STAT6: variants seen among roughly 807,000 people sequenced by gnomAD.
STAT6 encodes STAT, interleukin4-induced.
In STAT6, 45 loss-of-function variants were observed where a neutral mutation model predicts 106.3. The observed-to-expected ratio is 0.42, with a 90% CI of 0.33 to 0.54. The LOEUF is 0.54. STAT6 is among the 20% of genes least tolerant of loss of function. The pLI, the probability that STAT6 is intolerant of heterozygous loss-of-function variation, is 0.06. For missense variants in STAT6, 797 were observed against 1,062.2 expected, an observed-to-expected ratio of 0.75 and a Z score of 3.47; for synonymous variants, 413 against 413.6, an observed-to-expected ratio of 1.00 and a Z score of 0.02.
Position 57,105,151 on chromosome 12 carries a change from G to C in STAT6, c.1001C>G (p.Ala334Gly), listed in dbSNP as rs144009942. 69 of 1,607,650 alleles carry C rather than the reference G, an allele frequency of 4.3e-5. No individual in the cohort carries two copies. The highest frequency in any genetic ancestry group is 5.3e-5 in the Non-Finnish European group (62 of 1,176,368). Reference sequence around the variant, plus strand: ...AACCCCAGGTCCAATCCCAGCTTACGCTCCAGCCCCAGGACCCTGAGGCAC... The same window carrying C: ...AACCCCAGGTCCAATCCCAGCTTACCCTCCAGCCCCAGGACCCTGAGGCAC... The part of the protein sequence containing the change: ...LSVPQGPGAG[A>G]ESTGEIINNT... The change falls in exon 9 of 22, where the codon GCA (alanine) becomes GGA (glycine). Residue 334 changes from alanine (A) to glycine (G), a missense_variant and splice_region_variant. Ala to Gly is a moderately conservative substitution (Grantham distance 60, BLOSUM62 0). Transcript: ENST00000300134.
In STAT6 at chr12:57,096,543, G is replaced by C; in HGVS notation, c.*29C>G. On this transcript the variant is annotated 3_prime_UTR_variant, in exon 22 of 22. Coordinates refer to ENST00000300134, the MANE Select transcript of STAT6 (RefSeq NM_003153.5). Reference sequence around the variant, plus strand: ...GGTCTGTGGGGGTAGTAGAAGAGCTGTCTCTTTGGGTTCTCCCTCCAGCTG... The same window carrying C: ...GGTCTGTGGGGGTAGTAGAAGAGCTCTCTCTTTGGGTTCTCCCTCCAGCTG... 6.5e-7 allele frequency: 1 copy of C among 1,546,554 alleles called. No homozygotes were observed. Among genetic ancestry groups the C allele is most frequent in the African/African-American group, 1.4e-5 (1 of 72,434 alleles).
rs1243017244 is a variant in STAT6, at chr12:57,099,204, G to A, written c.1891+90C>T. ...AGCTATGAAATAGGGAGTGACATCA[G>A]GATGACACGCGGGCAGGGAGAGGAG... On this transcript the variant is annotated intron_variant, in intron 16 of 21. Transcript: ENST00000300134. The surrounding 1 kb of genome is among the most constrained non-coding windows in gnomAD (Gnocchi z 4.7). 15 of 1,592,482 alleles carry A rather than the reference G, an allele frequency of 9.4e-6. No individual in the cohort carries two copies. The highest frequency in any genetic ancestry group is 1.3e-5 in the Non-Finnish European group (15 of 1,161,554).
intron 13 of STAT6, among the ~76,000 whole-genome samples, chr12:57,100,639 AG>A (rs1429769916): frequency 7.6e-4 from 60 of 79,404 alleles, no homozygotes; most frequent in African/African-American, 2.9e-3. Flanking sequence ...AAAGAGAAAG[AG>A]AAAGAAAGAA....
At chr12:57,106,100 C>A in intron 7 of STAT6, 91 bp downstream of exon 7, 1 of 1,575,646 alleles carries the variant, frequency 6.3e-7, no homozygotes, top group Non-Finnish European at 8.6e-7. Flanking sequence ...GGCCCTCCCG[C>A]CTGGCTTCTT....
At chr12:57,104,920 T>A in intron 9 of STAT6, 107 bp from the exon 10 acceptor site, 1 of 1,358,636 alleles carries the variant, frequency 7.4e-7, no homozygotes, top group Non-Finnish European at 1.0e-6. Flanking sequence ...TAAATCTCCA[T>A]GTCTCTGTTT....
Position 57,096,093 on chromosome 12 carries a change from T to G in STAT6, c.*479A>C, listed in dbSNP as rs1203400796. On this transcript the variant is annotated 3_prime_UTR_variant, in exon 22 of 22. Coordinates refer to ENST00000300134, the MANE Select transcript of STAT6 (RefSeq NM_003153.5). The stretch of plus-strand genomic sequence containing the variant: ...TCCCTTGAGCTGCTTCCCATTCCCC[T>G]AGGGCTGAGACCCAATATCCTCTAT... 2 of 155,994 alleles carry G rather than the reference T, an allele frequency of 1.3e-5. No homozygotes were observed. Among genetic ancestry groups the G allele is most frequent in the East Asian group, 3.7e-4 (2 of 5,384 alleles). 9.7% of individuals were successfully genotyped at this position (155,994 alleles called of 1,614,324 possible).
Position 57,102,888 on chromosome 12 carries a change from C to A in STAT6, c.1246G>T (p.Gly416Cys), listed in dbSNP as rs760082193. The change falls in exon 12 of 22, where the codon GGC becomes TGC. Residue 416 changes from glycine (G) to cysteine (C), a missense_variant. Around this residue, in one of 4 missense-constraint regions of STAT6, gnomAD observed 222 missense variants for 354.6 expected, o/e 0.63. Transcript: ENST00000300134. ...GCTTTGGCATTGTTGTCTTGGTTGC[C>A]ATGGACGATGACCACCAGGGGCAGA... Reference protein sequence around the residue: ...LSLPLVVIVHGNQDNNAKATI... With the variant: ...LSLPLVVIVHCNQDNNAKATI... 6.2e-7 allele frequency: 1 copy of A among 1,605,530 alleles called. No individual in the cohort carries two copies.
At chr12:57,100,662 AAGAAAGAAAG>A (rs1213339442) in intron 13 of STAT6, among the ~76,000 whole-genome samples, 2 of 55,940 alleles carry the variant, frequency 3.6e-5, no homozygotes, top group African/African-American at 7.4e-5. Context: ...GAAAGAAAGA[AAGAAAGAAAG>A]AAAGAAAGAA....
At chr12:57,105,764 T>C in intron 7 of STAT6, 165 bp from the exon 8 acceptor site, 2 of 1,220,474 alleles carry the variant, frequency 1.6e-6, no homozygotes, top group East Asian at 5.2e-5. Context: ...CTGTGATCTG[T>C]TGGCCTAGGG....
chr12:57,099,928 G>C lies in STAT6; in HGVS notation c.1608-25C>G. ...CCTGGCCGGGATGAAGGAGAGGATG[G>C]GGCATGGGCAGTGAGTATGGAGGTG... On this transcript the variant is annotated intron_variant, in intron 14 of 21. Transcript: ENST00000300134. This position sits in a 1 kb window ranked among gnomAD's most constrained non-coding sequence, Gnocchi z 4.7. 1 of 1,614,202 alleles carries C rather than the reference G, an allele frequency of 6.2e-7. No homozygotes were observed. The highest frequency in any genetic ancestry group is 1.3e-5 in the African/African-American group (1 of 75,038).
chr12:57,101,917 G>A lies in STAT6; in HGVS notation c.1512+373C>T, dbSNP rs948726600. 3.3e-5 allele frequency among the ~76,000 whole-genome samples: 5 copies of A among 152,238 alleles called. No individual in the cohort carries two copies. In the South Asian group the frequency reaches 6.2e-4, roughly 19 times the overall value. On this transcript the variant is annotated intron_variant, in intron 13 of 21. Coordinates refer to ENST00000300134, the MANE Select transcript of STAT6 (RefSeq NM_003153.5). ...TGACCTCAGGTGATCCACCCACCCCGGCATGTCAAAGACTGGGATTACAGG... is the reference window on the plus strand; with the variant it reads ...TGACCTCAGGTGATCCACCCACCCCAGCATGTCAAAGACTGGGATTACAGG...
chr12:57,106,158 T>C (rs1403732014), intron 7 of STAT6, 33 bp downstream of exon 7: 3 of 1,611,898 alleles, frequency 1.9e-6, no homozygotes, highest in Non-Finnish European at 2.5e-6. Flanking sequence ...CACCCCCAGC[T>C]TGCCCCCTCT....
chr12:57,105,832 TC>T lies in STAT6; in HGVS notation c.681-234del, dbSNP rs1226105601. 3.8e-5 allele frequency: 28 copies of T among 739,962 alleles called. No homozygotes were observed. The Admixed American group carries it at 8.8e-4, about 23-fold the overall frequency. 45.8% of individuals were successfully genotyped at this position (739,962 alleles called of 1,614,324 possible). Reference sequence around the variant, plus strand: ...CCCCCTGTGGAAACCCAGCTGCCTCTCCCCCGACGGCTCTTGCACCCAGGAC... The same window carrying T: ...CCCCCTGTGGAAACCCAGCTGCCTCTCCCCGACGGCTCTTGCACCCAGGAC... On this transcript the variant is annotated intron_variant, in intron 7 of 21. Transcript: ENST00000300134.
chr12:57,100,095 G>C lies in STAT6; in HGVS notation c.1513-5C>G, dbSNP rs376329163. 4.0e-5 allele frequency: 63 copies of C among 1,587,314 alleles called. No individual in the cohort carries two copies. The highest frequency in any genetic ancestry group is 2.8e-4 in the East Asian group (12 of 43,078). ...GCCACGGCCCAGCAGGATCTCCTAG[G>C]GGGAGAGGGGGAAAGGTGTGAGCCG... is the stretch of plus-strand genomic sequence containing the variant. On this transcript the variant is annotated splice_polypyrimidine_tract_variant and splice_region_variant and intron_variant, in intron 13 of 21. Coordinates refer to ENST00000300134, the MANE Select transcript of STAT6 (RefSeq NM_003153.5).
rs1225718360 is a variant in STAT6 at position 57,104,520 on chromosome 12, C to T, written c.1156G>A (p.Val386Met). ...TESVTEEKCA[V>M]LFSASFTLGP... ...AGTGTGAAGCTGGCAGAGAAGAGCA[C>T]AGCGCACTTCTCCTCTGTGACAGAC... The change falls in exon 11 of 22, where the codon GTG becomes ATG. Residue 386 changes from valine (V) to methionine (M), a missense_variant. By Grantham distance (21) the Val-to-Met change is conservative. Coordinates refer to ENST00000300134, the MANE Select transcript of STAT6 (RefSeq NM_003153.5). 6.2e-7 allele frequency: 1 copy of T among 1,613,588 alleles called. No homozygotes were observed. Among genetic ancestry groups the T allele is most frequent in the South Asian group, 1.1e-5 (1 of 90,860 alleles).
chr12:57,099,053 C>T lies in STAT6; in HGVS notation c.1917G>A (p.Arg639=), dbSNP rs768059714. ...YKPEQMGKDG[R]GYVPATIKMT... ...TCTTGATGGTAGCTGGGACATAACC[C>T]CTGCCATCCTTACCCATCTGTTCAG... The change falls in exon 17 of 22, where the codon AGG becomes AGA. Residue 639 remains arginine (R), a synonymous_variant. Transcript: ENST00000300134. The surrounding 1 kb of genome is among the most constrained non-coding windows in gnomAD (Gnocchi z 4.7). 6.2e-7 allele frequency: 1 copy of T among 1,614,164 alleles called. No individual in the cohort carries two copies. Among genetic ancestry groups the T allele is most frequent in the South Asian group, 1.1e-5 (1 of 91,086 alleles).
chr12:57,108,243 T>G lies in STAT6; in HGVS notation c.36A>C (p.Pro12=), dbSNP rs761534522. The change falls in exon 2 of 22, where the codon CCA becomes CCC. Residue 12 remains proline, a synonymous_variant. Coordinates refer to ENST00000300134, the MANE Select transcript of STAT6 (RefSeq NM_003153.5). ...SLWGLVSKMP[P]EKVQRLYVDF... is the part of the protein sequence containing the mutation. Reference sequence around the variant, plus strand: ...CGACATAGAGCCGCTGCACTTTTTCTGGGGGCATCTTGGAGACCAGACCCC... The same window carrying G: ...CGACATAGAGCCGCTGCACTTTTTCGGGGGGCATCTTGGAGACCAGACCCC... 2 of 1,612,682 alleles carry G rather than the reference T, an allele frequency of 1.2e-6. No homozygotes were observed.
In STAT6 at chr12:57,097,082, G is replaced by A. The variant is rs143155467; in HGVS notation, c.2211C>T (p.Asp737=). Reference sequence around the variant, plus strand: ...TTGTCACTCACTGGGGGTGAGGCTGGTCAAAGGGCAGGCTCATCTGGCCCA... The same window carrying A: ...TTGTCACTCACTGGGGGTGAGGCTGATCAAAGGGCAGGCTCATCTGGCCCA... ...PSLGQMSLPF[D]QPHPQGLLPC... The change falls in exon 20 of 22, where the codon GAC becomes GAT. Residue 737 remains aspartate, a synonymous_variant. Coordinates refer to ENST00000300134, the MANE Select transcript of STAT6 (RefSeq NM_003153.5). The A allele has an allele frequency of 4.9e-4, 757 of 1,539,528 alleles. No homozygotes were observed. The highest frequency in any genetic ancestry group is 6.2e-4 in the Non-Finnish European group (705 of 1,142,774).
chr12:57,105,874 C>T (rs2034241511), intron 7 of STAT6: 4 of 649,576 alleles, frequency 6.2e-6, no homozygotes, highest in African/African-American at 3.6e-5. Flanking sequence ...CCACCACTTA[C>T]AGTGCTTTGT....
Sources: allele counts gnomAD v4.1 joint callset (sites outside exome capture counted in the v4.1 genomes callset), GRCh38; gene constraint gnomAD v4.1.1; regional missense constraint gnomAD v4.1.1; non-coding constraint Gnocchi (gnomAD v3.1); transcripts MANE v1.5; gene names NCBI Gene and HGNC (gene_info 2026-07-23, HGNC 2026-07-21).